MYT1L: variants seen among roughly 807,000 people sequenced by gnomAD.
The protein encoded by MYT1L is myelin transcription factor 1 like, also known as myelin transcription factor 1-like protein.
In MYT1L, 12 loss-of-function variants were observed where a neutral mutation model predicts 126.7. The observed-to-expected ratio is 0.09, with a 90% CI of 0.06 to 0.15. The LOEUF (loss-of-function observed/expected upper bound fraction) is 0.15, where lower values mean the gene tolerates loss of function less well. MYT1L is among the 10% of genes least tolerant of loss of function. The pLI, the probability that MYT1L is intolerant of heterozygous loss-of-function variation, is 1.00. For missense variants in MYT1L, 979 were observed against 1,585.2 expected (o/e 0.62, Z 6.49); for synonymous variants, 541 against 604.2 (o/e 0.90, Z 1.53).
intron 2 of MYT1L, among the ~76,000 whole-genome samples, chr2:2,221,432 C>G (rs914133801): frequency 6.6e-6 from 1 of 152,140 alleles, no homozygotes. Context: ...CAGAATGCAT[C>G]TGAGGCCCCA....
intron 4 of MYT1L, among the ~76,000 whole-genome samples, chr2:2,003,354 C>T (rs2062600244): frequency 6.6e-6 from 1 of 152,132 alleles, no homozygotes; most frequent in African/African-American, 2.4e-5. Context: ...GCCTTCTCCT[C>T]CAAGTTCCCT....
intron 3 of MYT1L, among the ~76,000 whole-genome samples, chr2:2,116,816 G>C (rs2080272118): frequency 6.6e-6 from 1 of 152,216 alleles, no homozygotes; most frequent in Non-Finnish European, 1.5e-5. Context: ...GGGAGTGAGG[G>C]AGGTGCAGCC....
chr2:1,988,202 T>C (rs1203668546), intron 5 of MYT1L, among the ~76,000 whole-genome samples: 1 of 151,810 alleles, frequency 6.6e-6, no homozygotes, highest in East Asian at 1.9e-4. Context: ...GTGGAAACGG[T>C]GCCACATTCC....
intron 8 of MYT1L, among the ~76,000 whole-genome samples, chr2:1,964,966 T>A (rs927893714): frequency 6.6e-6 from 1 of 152,226 alleles, no homozygotes; most frequent in Non-Finnish European, 1.5e-5. Context: ...CTCACTGTTC[T>A]AGGAGAGCCA....
At chr2:2,012,616 C>T (rs2063943121) in intron 4 of MYT1L, among the ~76,000 whole-genome samples, 2 of 152,148 alleles carry the variant, frequency 1.3e-5, no homozygotes, top group Admixed American at 6.5e-5. Flanking sequence ...AACAATGGTC[C>T]AAAAATATTC....
chr2:2,188,685 TC>T (rs758969974), intron 2 of MYT1L, among the ~76,000 whole-genome samples: 21 of 152,236 alleles, frequency 1.4e-4, no homozygotes, highest in Non-Finnish European at 2.5e-4. Flanking sequence ...GCTTTAGACT[TC>T]CTGGGGATCT....
intron 4 of MYT1L, among the ~76,000 whole-genome samples, chr2:2,042,945 C>A (rs762057087): frequency 6.6e-6 from 1 of 152,182 alleles, no homozygotes; most frequent in Non-Finnish European, 1.5e-5. Flanking sequence ...GCAGCCCTCA[C>A]CTGGTGCCAG....
chr2:1,858,642 C>A (rs1387111501), intron 18 of MYT1L, among the ~76,000 whole-genome samples: 1 of 152,148 alleles, frequency 6.6e-6, no homozygotes, highest in Non-Finnish European at 1.5e-5. Flanking sequence ...AAACAACTAT[C>A]CTGTATCACT....
chr2:2,201,044 T>C (rs1445534864), intron 2 of MYT1L, among the ~76,000 whole-genome samples: 1 of 152,232 alleles, frequency 6.6e-6, no homozygotes, highest in Non-Finnish European at 1.5e-5. Context: ...TAACTCACTG[T>C]GAGAGAACTA....
intron 21 of MYT1L, among the ~76,000 whole-genome samples, chr2:1,837,566 C>G (rs972455631): frequency 6.6e-6 from 1 of 152,092 alleles, no homozygotes; most frequent in African/African-American, 2.4e-5. Flanking sequence ...GAGTTGTGTG[C>G]ACAAGGACGT....
chr2:1,816,225 C>T (rs1468666795), intron 21 of MYT1L: 1 of 152,644 alleles, frequency 6.6e-6, no homozygotes, highest in African/African-American at 2.4e-5. Flanking sequence ...ACACATCACA[C>T]AAGCACTTTC....
At chr2:1,960,444 A>G (rs1446912061) in intron 8 of MYT1L, among the ~76,000 whole-genome samples, 1 of 152,246 alleles carries the variant, frequency 6.6e-6, no homozygotes, top group African/African-American at 2.4e-5. Flanking sequence ...AGTTTTTTCA[A>G]AATGTCAAGT....
intron 3 of MYT1L, among the ~76,000 whole-genome samples, chr2:2,140,925 T>C (rs1429505898): frequency 2.0e-5 from 3 of 152,354 alleles, no homozygotes; most frequent in South Asian, 4.1e-4. Context: ...CAATTGCATA[T>C]TGAAATTATC....
rs988315320 is a variant in MYT1L at position 1,801,516 on chromosome 2, A to C, written c.3276+180T>G. 1.1e-5 allele frequency: 6 copies of C among 532,934 alleles called. No individual in the cohort carries two copies. Among genetic ancestry groups the C allele is most frequent in the Non-Finnish European group, 9.9e-6 (3 of 303,170 alleles). 33.0% of individuals were successfully genotyped at this position (532,934 alleles called of 1,614,324 possible). On this transcript the variant is annotated intron_variant, in intron 23 of 24. Transcript: ENST00000647738. The surrounding 1 kb of genome is among the most constrained non-coding windows in gnomAD (Gnocchi z 4.2). ...ACGAGAGAACCACGGCCCCTGCTACAGCGAACACTGCCACGGAATGGTGTC... is the reference window on the plus strand; with the variant it reads ...ACGAGAGAACCACGGCCCCTGCTACCGCGAACACTGCCACGGAATGGTGTC...
chr2:1,817,725 C>T (rs775483554), intron 21 of MYT1L, among the ~76,000 whole-genome samples: 6 of 152,174 alleles, frequency 3.9e-5, no homozygotes, highest in East Asian at 1.9e-4. Flanking sequence ...GTGCTGGTCC[C>T]GGGCTCTCGG....
Position 1,979,869 on chromosome 2 carries a change from T to A in MYT1L, c.1-92A>T. 1 of 1,305,182 alleles carries A rather than the reference T, an allele frequency of 7.7e-7. No individual in the cohort carries two copies. Among genetic ancestry groups the A allele is most frequent in the Non-Finnish European group, 1.1e-6 (1 of 914,118 alleles). 80.9% of individuals were successfully genotyped at this position (1,305,182 alleles called of 1,614,324 possible). A position where few individuals can be genotyped will look rare whatever the true frequency, so the allele number is the denominator to read the frequency against. On this transcript the variant is annotated intron_variant, in intron 5 of 24. Coordinates refer to ENST00000647738, the MANE Select transcript of MYT1L (RefSeq NM_001303052.2). The surrounding 1 kb of genome is among the most constrained non-coding windows in gnomAD (Gnocchi z 4.0). ...CTCACTCTCCCTGGCATTCTATTAA[T>A]GGGGCTTTAATCCTGTTTCCCTCCA...
At chr2:2,152,895 T>G (rs60544015) in intron 3 of MYT1L, among the ~76,000 whole-genome samples, 4,770 of 151,990 alleles carry the variant, frequency 0.031, 264 homozygotes, top group African/African-American at 0.11. Context: ...GGGTGGAAGT[T>G]TTTGGGAAAT....
intron 3 of MYT1L, among the ~76,000 whole-genome samples, chr2:2,171,168 T>C (rs1035883623): frequency 6.6e-6 from 1 of 152,110 alleles, no homozygotes; most frequent in African/African-American, 2.4e-5. Context: ...TTTTTTCCCC[T>C]AACCAAGTCC....
intron 3 of MYT1L, among the ~76,000 whole-genome samples, chr2:2,131,469 G>T (rs769193980): frequency 2.0e-5 from 3 of 152,144 alleles, no homozygotes; most frequent in Non-Finnish European, 2.9e-5. Flanking sequence ...GGTGAAAGGG[G>T]CTGCATGGAG....
Sources: allele counts gnomAD v4.1 joint callset (sites outside exome capture counted in the v4.1 genomes callset), GRCh38; gene constraint gnomAD v4.1.1; non-coding constraint Gnocchi (gnomAD v3.1); transcripts MANE v1.5; gene names NCBI Gene and HGNC (gene_info 2026-07-23, HGNC 2026-07-21).